Variants in KIF18A observed in about 807,000 individuals in gnomAD.
KIF18A encodes the protein kinesin-like protein KIF18A.
KIF18A carries 67 observed loss-of-function variants against 103.3 expected under a neutral mutation model. The ratio of observed to expected loss-of-function variants is 0.65; its 90% CI spans 0.53 to 0.79. The LOEUF (loss-of-function observed/expected upper bound fraction) is 0.79, where lower values mean the gene tolerates loss of function less well. Ranked by LOEUF, KIF18A falls within the 30% of genes least tolerant of loss-of-function variation. KIF18A has a pLI of 0.00. For missense variants in KIF18A, 1,032 were observed against 1,062.5 expected (o/e 0.97, Z 0.40); for synonymous variants, 367 against 355.5 (o/e 1.03, Z -0.36).
intron 10 of KIF18A, among the ~76,000 whole-genome samples, chr11:28,073,453 T>G (rs975623759): frequency 6.6e-6 from 1 of 152,126 alleles, no homozygotes; most frequent in African/African-American, 2.4e-5. Context: ...TTCACGGTAC[T>G]TAGAATATAG....
intron 13 of KIF18A, among the ~76,000 whole-genome samples, chr11:28,040,514 A>G (rs569228983): frequency 4.6e-5 from 7 of 151,956 alleles, no homozygotes; most frequent in Middle Eastern, 3.4e-3. Flanking sequence ...CCATAAAATG[A>G]GAAAATGAAT....
chr11:28,058,662 C>CAAAA (rs58273868), intron 13 of KIF18A, among the ~76,000 whole-genome samples: 129 of 64,414 alleles, frequency 2.0e-3, no homozygotes, highest in Middle Eastern at 0.013. Context: ...ACCCTGTCAC[C>CAAAA]AAAAAAAAAA....
chr11:28,046,217 A>G lies in KIF18A; in HGVS notation c.1949-9553T>C, dbSNP rs759872112. Among the ~76,000 whole-genome samples, 4 of 151,928 alleles carry G rather than the reference A, an allele frequency of 2.6e-5. No homozygotes were observed. The South Asian group carries it at 6.2e-4, about 24-fold the overall frequency. ...GGGTATATATACCCAAAGGACTATAAATCATGCTGCTATAAAGACACATGC... is the reference window on the plus strand; with the variant it reads ...GGGTATATATACCCAAAGGACTATAGATCATGCTGCTATAAAGACACATGC... On this transcript the variant is annotated intron_variant, in intron 13 of 16. Transcript: ENST00000263181.
At chr11:28,034,361 C>G (rs1850452028) in intron 15 of KIF18A, among the ~76,000 whole-genome samples, 1 of 151,674 alleles carries the variant, frequency 6.6e-6, no homozygotes, top group Non-Finnish European at 1.5e-5. Context: ...CACCTTGATC[C>G]AATCAAGAAT....
intron 10 of KIF18A, among the ~76,000 whole-genome samples, chr11:28,073,341 T>C (rs763441094): frequency 1.3e-5 from 2 of 152,038 alleles, no homozygotes; most frequent in Non-Finnish European, 2.9e-5. Flanking sequence ...TTGGACAATA[T>C]GTATAGAAAT....
At chr11:28,066,802 T>A (rs1323308867) in intron 11 of KIF18A, among the ~76,000 whole-genome samples, 1 of 85,420 alleles carries the variant, frequency 1.2e-5, no homozygotes, top group Non-Finnish European at 2.6e-5. Flanking sequence ...TATTATATTA[T>A]ATTATATTAT....
intron 13 of KIF18A, among the ~76,000 whole-genome samples, chr11:28,038,815 T>A: frequency 6.6e-6 from 1 of 151,728 alleles, no homozygotes; most frequent in Admixed American, 6.6e-5. Flanking sequence ...TAAAATAATT[T>A]TCCACTCCCT....
At chr11:28,049,319 T>C (rs1354147751) in intron 13 of KIF18A, among the ~76,000 whole-genome samples, 1 of 152,038 alleles carries the variant, frequency 6.6e-6, no homozygotes, top group Non-Finnish European at 1.5e-5. Flanking sequence ...ATAAAGAGAC[T>C]AGATAATTTA....
At chr11:28,099,563 A>G (rs1458069071) in intron 1 of KIF18A, among the ~76,000 whole-genome samples, 2 of 152,206 alleles carry the variant, frequency 1.3e-5, no homozygotes, top group Non-Finnish European at 1.5e-5. Flanking sequence ...ATTACATTGT[A>G]TCCTATAAAC....
intron 4 of KIF18A, among the ~76,000 whole-genome samples, chr11:28,091,179 T>TACAC (rs1281008658): frequency 6.6e-6 from 1 of 151,780 alleles, no homozygotes; most frequent in Non-Finnish European, 1.5e-5. Flanking sequence ...CATACATACA[T>TACAC]ACATACGTAG....
rs757992881 is a variant in KIF18A at position 28,059,023 on chromosome 11, A to C, written c.1851T>G (p.Ala617=). The change falls in exon 13 of 17, where the codon GCT becomes GCG. Residue 617 remains alanine (A), a synonymous_variant. Coordinates refer to ENST00000263181, the MANE Select transcript of KIF18A (RefSeq NM_031217.4). ...GCTTTGGTTGTTCGGCAGTTTGGTCAGCCCAAACTACCACTTTTTTCCTCT... is the reference window on the plus strand; with the variant it reads ...GCTTTGGTTGTTCGGCAGTTTGGTCCGCCCAAACTACCACTTTTTTCCTCT... ...LVERKKVVVW[A]DQTAEQPKQN... The C allele has an allele frequency of 1.2e-6, 2 of 1,614,102 alleles. No homozygotes were observed. Among genetic ancestry groups the C allele is most frequent in the South Asian group, 2.2e-5 (2 of 91,080 alleles).
At chr11:28,103,335 T>A (rs925033292) in intron 1 of KIF18A, among the ~76,000 whole-genome samples, 5 of 150,532 alleles carry the variant, frequency 3.3e-5, no homozygotes, top group African/African-American at 7.3e-5. Context: ...AAAAAAAAAA[T>A]TCCAAAATTC....
intron 1 of KIF18A, among the ~76,000 whole-genome samples, chr11:28,098,715 G>C (rs1463048555): frequency 6.6e-6 from 1 of 152,068 alleles, no homozygotes; most frequent in Non-Finnish European, 1.5e-5. Context: ...ATGATAGCAG[G>C]TTTAAAAATT....
chr11:28,035,557 A>C, intron 14 of KIF18A, 63 bp from the exon 15 acceptor site: 5 of 920,024 alleles, frequency 5.4e-6, no homozygotes, highest in Non-Finnish European at 7.8e-6. Context: ...AGAGAAAAGG[A>C]AGCAAATGTG....
chr11:28,046,696 T>C (rs1415700581), intron 13 of KIF18A, among the ~76,000 whole-genome samples: 1 of 49,966 alleles, frequency 2.0e-5, no homozygotes, highest in Non-Finnish European at 4.2e-5. Context: ...TAAAGTATAA[T>C]AATAAAAGAA....
Position 28,084,698 on chromosome 11 carries a change from A to C in KIF18A, c.1008T>G (p.Ser336=), listed in dbSNP as rs1289718929. ...TGTTATATGTGTCATCGTAGAATAC[A>C]GAGGAAGGACTAACAGCAGCTATCA... ...TIMIAAVSPS[S]VFYDDTYNTL... is the part of the protein sequence containing the mutation. Residue 336 remains serine (S), a synonymous_variant, in exon 7 of 17, where the codon TCT becomes TCG. Coordinates refer to ENST00000263181, the MANE Select transcript of KIF18A (RefSeq NM_031217.4). 2 of 1,612,862 alleles carry C rather than the reference A, an allele frequency of 1.2e-6. No homozygotes were observed. The highest frequency in any genetic ancestry group is 3.3e-5 in the Admixed American group (2 of 60,020).
intron 6 of KIF18A, 101 bp downstream of exon 6, chr11:28,088,423 T>C: frequency 1.1e-6 from 1 of 915,914 alleles, no homozygotes; most frequent in Non-Finnish European, 1.7e-6. Context: ...CCTTGAAATG[T>C]GATATATATC....
chr11:28,094,318 A>C (rs1347984285), intron 3 of KIF18A, among the ~76,000 whole-genome samples: 1 of 152,162 alleles, frequency 6.6e-6, no homozygotes, highest in East Asian at 1.9e-4. Flanking sequence ...TCCTGTTTTT[A>C]CAAGTCTGCA....
intron 13 of KIF18A, among the ~76,000 whole-genome samples, chr11:28,047,360 T>C (rs905803240): frequency 2.0e-5 from 3 of 152,050 alleles, no homozygotes; most frequent in African/African-American, 7.2e-5. Context: ...GATAAGGCCT[T>C]ACGTACTTTA....
Sources: allele counts gnomAD v4.1 joint callset (sites outside exome capture counted in the v4.1 genomes callset), GRCh38; gene constraint gnomAD v4.1.1; transcripts MANE v1.5; gene names NCBI Gene and HGNC (gene_info 2026-07-23, HGNC 2026-07-21).